Variants in AGO3 observed in about 807,000 individuals in gnomAD.
The protein encoded by AGO3 is argonaute RISC catalytic component 3, also known as protein argonaute-3.
A neutral mutation model predicts 105.5 loss-of-function variants in AGO3; 16 were observed. The ratio of observed to expected loss-of-function variants is 0.15; its 90% CI spans 0.10 to 0.23. AGO3 has a LOEUF of 0.23. AGO3 is among the 10% of genes least tolerant of loss of function. The pLI is 1.00. For synonymous variants in AGO3, 340 were observed against 367.3 expected, an observed-to-expected ratio of 0.93 and a Z score of 0.85; for missense variants, 534 against 1,088.0, an observed-to-expected ratio of 0.49 and a Z score of 7.16.
intron 11 of AGO3, among the ~76,000 whole-genome samples, chr1:36,021,202 G>A (rs1181018742): frequency 6.6e-6 from 1 of 152,136 alleles, no homozygotes; most frequent in Non-Finnish European, 1.5e-5. Context: ...AAAATGCTAG[G>A]ATTACAGGCG....
chr1:36,044,364 T>A (rs1366145961), intron 17 of AGO3, among the ~76,000 whole-genome samples: 4 of 152,046 alleles, frequency 2.6e-5, no homozygotes, highest in East Asian at 1.9e-4. Flanking sequence ...TAAAAAAAAA[T>A]TTAATTGTAG....
intron 1 of AGO3, among the ~76,000 whole-genome samples, chr1:35,941,622 T>A (rs560105764): frequency 6.6e-6 from 1 of 152,322 alleles, no homozygotes; most frequent in East Asian, 1.9e-4. Flanking sequence ...GGCAAATTAT[T>A]TCAGTTTTCC....
intron 9 of AGO3, 26 bp downstream of exon 9, chr1:36,009,620 A>G (rs1640497339): frequency 6.3e-7 from 1 of 1,599,058 alleles, no homozygotes. Flanking sequence ...TAGAAATGAG[A>G]ATTTAAAACA....
At position 36,070,341 on chromosome 1, in the gene AGO3, T is replaced by C. The variant is rs1643145352; in HGVS notation, c.*14596T>C. ...TAAAGGTTAAAATATAGTGAAAGTT[T>C]CTGCTTCATGTGAATTCAATTCTGA... is the stretch of plus-strand genomic sequence containing the variant. On this transcript the variant is annotated 3_prime_UTR_variant, in exon 19 of 19. Transcript: ENST00000373191. 6.6e-6 allele frequency: 1 copy of C among 152,256 alleles called. No individual in the cohort carries two copies. Among genetic ancestry groups the C allele is most frequent in the African/African-American group, 2.4e-5 (1 of 41,466 alleles). The allele number at this position is 152,256 out of a possible 1,614,324, so 9.4% of individuals were successfully genotyped here.
At chr1:35,950,477 T>G (rs1022956684) in intron 2 of AGO3, among the ~76,000 whole-genome samples, 6 of 152,186 alleles carry the variant, frequency 3.9e-5, no homozygotes, top group Non-Finnish European at 8.8e-5. Flanking sequence ...TGGGTCAACC[T>G]TTCTACAAAT....
chr1:36,036,362 C>A, intron 14 of AGO3, 95 bp downstream of exon 14: 2 of 1,186,582 alleles, frequency 1.7e-6, no homozygotes, highest in Non-Finnish European at 2.5e-6. Flanking sequence ...TCTTTGTAGC[C>A]AACTTTCATA....
At chr1:35,990,059 G>A (rs1647475692) in intron 5 of AGO3, among the ~76,000 whole-genome samples, 1 of 152,124 alleles carries the variant, frequency 6.6e-6, no homozygotes, top group Non-Finnish European at 1.5e-5. Flanking sequence ...ATCAACTGAA[G>A]TTTAGAGACA....
intron 17 of AGO3, among the ~76,000 whole-genome samples, chr1:36,045,016 C>T (rs1429113337): frequency 3.3e-5 from 5 of 152,244 alleles, no homozygotes; most frequent in South Asian, 2.1e-4. Context: ...CCCACATATA[C>T]GAACCTGTTT....
chr1:35,976,312 T>A (rs905062893), intron 5 of AGO3, among the ~76,000 whole-genome samples: 17 of 152,318 alleles, frequency 1.1e-4, no homozygotes, highest in Admixed American at 4.6e-4. Flanking sequence ...GGTAATTGCT[T>A]ATATATATTC....
At chr1:35,977,257 T>C (rs1646970514) in intron 5 of AGO3, among the ~76,000 whole-genome samples, 1 of 150,034 alleles carries the variant, frequency 6.7e-6, no homozygotes, top group African/African-American at 2.5e-5. Flanking sequence ...AAAATTTTTT[T>C]TTAATTAAAA....
intron 2 of AGO3, among the ~76,000 whole-genome samples, chr1:35,952,938 A>G (rs1646500433): frequency 6.6e-6 from 1 of 152,198 alleles, no homozygotes; most frequent in Admixed American, 6.5e-5. Flanking sequence ...GATATAATAC[A>G]TTTTGTTTAT....
At chr1:35,935,867 T>C (rs1338645928) in intron 1 of AGO3, among the ~76,000 whole-genome samples, 1 of 152,232 alleles carries the variant, frequency 6.6e-6, no homozygotes, top group Non-Finnish European at 1.5e-5. Context: ...AAAACTAGAA[T>C]CTTAAAAAGT....
intron 1 of AGO3, among the ~76,000 whole-genome samples, chr1:35,940,012 T>G (rs1466397428): frequency 6.6e-6 from 1 of 152,162 alleles, no homozygotes; most frequent in Non-Finnish European, 1.5e-5. Flanking sequence ...TTTCTAATCA[T>G]TGTTCAAATT....
At chr1:36,052,886 C>A (rs1365296285) in intron 17 of AGO3, among the ~76,000 whole-genome samples, 2 of 152,012 alleles carry the variant, frequency 1.3e-5, no homozygotes, top group Non-Finnish European at 2.9e-5. Context: ...GTGGTAGGTG[C>A]CTGTAGTCCC....
chr1:35,959,024 G>C (rs1478881180), intron 2 of AGO3, among the ~76,000 whole-genome samples: 1 of 152,132 alleles, frequency 6.6e-6, no homozygotes, highest in South Asian at 2.1e-4. Context: ...TGGGAGCAGA[G>C]AATTAAGAGG....
At chr1:36,044,993 T>C (rs1019412234) in intron 17 of AGO3, among the ~76,000 whole-genome samples, 1 of 152,206 alleles carries the variant, frequency 6.6e-6, no homozygotes, top group Non-Finnish European at 1.5e-5. Context: ...CTGTATCTTA[T>C]AGCTTTATAT....
chr1:35,987,973 C>T (rs1249573941), intron 5 of AGO3, among the ~76,000 whole-genome samples: 1 of 151,930 alleles, frequency 6.6e-6, no homozygotes, highest in African/African-American at 2.4e-5. Flanking sequence ...GAGGCTAAGG[C>T]AGGAGAATCG....
chr1:35,943,850 C>G (rs1173657386), intron 1 of AGO3, among the ~76,000 whole-genome samples: 1 of 151,964 alleles, frequency 6.6e-6, no homozygotes, highest in Non-Finnish European at 1.5e-5. Flanking sequence ...GTCTGCCCAC[C>G]TCGGCCTCCC....
chr1:35,984,957 A>T (rs1647136754), intron 5 of AGO3, among the ~76,000 whole-genome samples: 1 of 142,638 alleles, frequency 7.0e-6, no homozygotes, highest in Non-Finnish European at 1.6e-5. Context: ...ATTTAATGAA[A>T]CACATTGTCC....
Sources: gnomAD v4.1 joint callset for allele counts (sites outside exome capture counted in the v4.1 genomes callset) on GRCh38, gnomAD v4.1.1 for gene constraint, MANE v1.5 for transcripts, NCBI Gene and HGNC (gene_info 2026-07-23, HGNC 2026-07-21) for gene names.